P3H2: variants seen among roughly 807,000 people sequenced by gnomAD.
The protein encoded by P3H2 is prolyl 3-hydroxylase 2.
In P3H2, 80 loss-of-function variants were observed where a neutral mutation model predicts 87.0. That is an observed-to-expected ratio of 0.92 (90% CI 0.77 to 1.11). The LOEUF (loss-of-function observed/expected upper bound fraction) is 1.11. Ranked by LOEUF, P3H2 falls within the 50% of genes least tolerant of loss-of-function variation. The pLI is 0.00. For synonymous variants in P3H2, 367 were observed against 359.3 expected (o/e 1.02, Z -0.24); for missense variants, 1,001 against 923.9 (o/e 1.08, Z -1.08).
chr3:189,966,135 G>GAAAGTA (rs1553871187), intron 13 of P3H2, among the ~76,000 whole-genome samples: 6 of 72,350 alleles, frequency 8.3e-5, no homozygotes, highest in African/African-American at 2.1e-4. Context: ...AAGAAAGAAA[G>GAAAGTA]AAAGAAAGAA....
chr3:190,025,039 C>G (rs898123678), intron 1 of P3H2, among the ~76,000 whole-genome samples: 3 of 152,184 alleles, frequency 2.0e-5, no homozygotes, highest in African/African-American at 7.2e-5. Flanking sequence ...ACAAGTGGCA[C>G]TCTGTCGAGT....
chr3:190,014,479 G>GT (rs1560362665), intron 1 of P3H2, among the ~76,000 whole-genome samples: 2 of 152,222 alleles, frequency 1.3e-5, no homozygotes. Context: ...TAAAGCAATC[G>GT]TAACTGATGA....
At chr3:189,964,232 G>A in intron 13 of P3H2, 134 bp from the exon 14 acceptor site, 4 of 821,234 alleles carry the variant, frequency 4.9e-6, no homozygotes, top group East Asian at 2.6e-5. Context: ...GATTGAAGAT[G>A]ATGTAAATTA....
In P3H2 at chr3:190,087,991, G is replaced by A. The variant is rs182836906; in HGVS notation, c.480+32261C>T. 2.0e-4 allele frequency among the ~76,000 whole-genome samples: 31 copies of A among 152,206 alleles called. No individual in the cohort carries two copies. The South Asian group carries it at 5.2e-3, about 26-fold the overall frequency. ...TGATTACTTTCTGCCCTCTCAACAC[G>A]AGTTCTGTTGTGCAAGTTTTCTTAT... On this transcript the variant is annotated intron_variant, in intron 1 of 14. Transcript: ENST00000319332.
chr3:190,116,852 G>A (rs199581559), intron 1 of P3H2, among the ~76,000 whole-genome samples: 4 of 152,306 alleles, frequency 2.6e-5, no homozygotes, highest in East Asian at 1.9e-4. Context: ...TAGGAGCCAC[G>A]TGAAACTACT....
At chr3:190,057,597 T>A (rs1484990782) in intron 1 of P3H2, among the ~76,000 whole-genome samples, 1 of 151,974 alleles carries the variant, frequency 6.6e-6, no homozygotes, top group Non-Finnish European at 1.5e-5. Context: ...CTATTTGGGA[T>A]AATGGTGTGG....
intron 1 of P3H2, among the ~76,000 whole-genome samples, chr3:190,066,536 T>C (rs1421590347): frequency 2.0e-5 from 3 of 152,074 alleles, no homozygotes; most frequent in Non-Finnish European, 4.4e-5. Context: ...TTGGGTTCAG[T>C]GTATACTGCT....
At chr3:189,975,372 T>C (rs1310731215) in intron 8 of P3H2, among the ~76,000 whole-genome samples, 1 of 152,110 alleles carries the variant, frequency 6.6e-6, no homozygotes, top group African/African-American at 2.4e-5. Context: ...TGCTTTGGGG[T>C]CACATTTTAG....
At chr3:190,079,024 A>C (rs1005576086) in intron 1 of P3H2, among the ~76,000 whole-genome samples, 1 of 152,112 alleles carries the variant, frequency 6.6e-6, no homozygotes, top group Non-Finnish European at 1.5e-5. Flanking sequence ...GTAACCTCTG[A>C]CATCAACATT....
chr3:189,989,585 A>C (rs1723815200), intron 3 of P3H2, among the ~76,000 whole-genome samples: 1 of 152,144 alleles, frequency 6.6e-6, no homozygotes, highest in East Asian at 1.9e-4. Context: ...GAGAAATAAA[A>C]ACTCTTTTTT....
intron 1 of P3H2, among the ~76,000 whole-genome samples, chr3:190,049,820 A>G (rs1252860719): frequency 1.3e-5 from 2 of 152,194 alleles, no homozygotes; most frequent in African/African-American, 4.8e-5. Flanking sequence ...GCATTTCCCA[A>G]TGTGAGTTCT....
chr3:190,086,120 C>T (rs921437770), intron 1 of P3H2, among the ~76,000 whole-genome samples: 7 of 152,288 alleles, frequency 4.6e-5, no homozygotes, highest in Non-Finnish European at 1.0e-4. Context: ...AGGTCATCTA[C>T]TCATCCCCAA....
At chr3:190,019,796 A>ATATATATG (rs1724883265) in intron 1 of P3H2, among the ~76,000 whole-genome samples, 1 of 53,158 alleles carries the variant, frequency 1.9e-5, no homozygotes, top group African/African-American at 4.1e-5. Flanking sequence ...ATATATATAT[A>ATATATATG]TATATATATA....
At chr3:190,012,468 C>T (rs1724624894) in intron 1 of P3H2, among the ~76,000 whole-genome samples, 1 of 152,156 alleles carries the variant, frequency 6.6e-6, no homozygotes, top group African/African-American at 2.4e-5. Context: ...TCTTGCCTGA[C>T]TGCTCGTGGT....
intron 3 of P3H2, 118 bp downstream of exon 3, chr3:189,993,976 C>T: frequency 3.6e-6 from 3 of 826,574 alleles, no homozygotes; most frequent in Non-Finnish European, 5.7e-6. Flanking sequence ...GGGATAGACA[C>T]ATGAGAGTCT....
chr3:190,009,850 A>G (rs1226905926), intron 1 of P3H2, among the ~76,000 whole-genome samples: 1 of 152,166 alleles, frequency 6.6e-6, no homozygotes, highest in East Asian at 1.9e-4. Flanking sequence ...AAGCAGAGAG[A>G]TTCTGTTCCA....
At position 190,046,724 on chromosome 3, in the gene P3H2, AAACT is replaced by A. The variant is rs551146429; in HGVS notation, c.481-51286_481-51283del. On this transcript the variant is annotated intron_variant, in intron 1 of 14. Coordinates refer to ENST00000319332, the MANE Select transcript of P3H2 (RefSeq NM_018192.4). ...ATTTGTAATTGAACCACAGAGAATTAAACTAACTAAATGCCCAATATTAATGTAA... is the reference window on the plus strand; with the variant it reads ...ATTTGTAATTGAACCACAGAGAATTAAACTAAATGCCCAATATTAATGTAA... 1.7e-3 allele frequency among the ~76,000 whole-genome samples: 261 copies of A among 152,368 alleles called. 2 individuals carry two copies. Among genetic ancestry groups the A allele is most frequent in the African/African-American group, 5.9e-3 (246 of 41,590 alleles).
intron 1 of P3H2, among the ~76,000 whole-genome samples, chr3:190,054,713 T>C (rs1055708939): frequency 1.7e-4 from 26 of 152,178 alleles, no homozygotes; most frequent in Non-Finnish European, 1.6e-4. Context: ...CTTGTATCCC[T>C]TCATGGATTT....
intron 1 of P3H2, among the ~76,000 whole-genome samples, chr3:190,042,428 TTG>T (rs58506083): frequency 0.019 from 2,924 of 150,770 alleles, 82 homozygotes; most frequent in African/African-American, 0.064. Flanking sequence ...TTGTAAGATT[TTG>T]TGTGTGTGTG....
Sources: gnomAD v4.1 joint callset for allele counts (sites outside exome capture counted in the v4.1 genomes callset) on GRCh38, gnomAD v4.1.1 for gene constraint, MANE v1.5 for transcripts, NCBI Gene and HGNC (gene_info 2026-07-23, HGNC 2026-07-21) for gene names.